TYW1: variants seen among roughly 807,000 people sequenced by gnomAD.
TYW1 encodes tRNA-yW synthesizing protein 1 homolog, also known as S-adenosyl-L-methionine-dependent tRNA 4-demethylwyosine synthase TYW1.
Under a neutral mutation model 96.2 loss-of-function variants are expected in TYW1, and 46 were observed. That is an observed-to-expected ratio of 0.48 (90% CI 0.38 to 0.61). The LOEUF is 0.61. TYW1 is among the 20% of genes least tolerant of loss of function. TYW1 has a pLI of 0.00. For synonymous variants in TYW1, 274 were observed against 323.0 expected, an observed-to-expected ratio of 0.85 and a Z score of 1.63; for missense variants, 684 against 909.6, an observed-to-expected ratio of 0.75 and a Z score of 3.19.
At chr7:67,050,174 C>A (rs1216342847) in intron 8 of TYW1, 108 bp downstream of exon 8, 2 of 1,249,126 alleles carry the variant, frequency 1.6e-6, no homozygotes, top group African/African-American at 3.0e-5. Flanking sequence ...TTCATAGTGG[C>A]AGATATAACA....
chr7:67,075,478 C>T (rs1325407627), intron 10 of TYW1, among the ~76,000 whole-genome samples: 1 of 152,160 alleles, frequency 6.6e-6, no homozygotes, highest in South Asian at 2.1e-4. Context: ...AGTAGATATA[C>T]TCTAGGTGTC....
intron 15 of TYW1, among the ~76,000 whole-genome samples, chr7:67,200,592 C>T (rs3107879): frequency 7.2e-5 from 11 of 152,092 alleles, no homozygotes; most frequent in African/African-American, 2.2e-4. Flanking sequence ...GTGGGAATTA[C>T]GGGAACTGCC....
intron 15 of TYW1, among the ~76,000 whole-genome samples, chr7:67,208,426 T>C (rs1455312546): frequency 6.6e-6 from 1 of 152,118 alleles, no homozygotes; most frequent in African/African-American, 2.4e-5. Context: ...GCGCGGTGGC[T>C]TACGCCTGTA....
intron 13 of TYW1, among the ~76,000 whole-genome samples, chr7:67,157,976 GA>G (rs547544191): frequency 1.4e-3 from 213 of 152,090 alleles, no homozygotes; most frequent in Non-Finnish European, 2.4e-3. Flanking sequence ...GTTTTAGGGG[GA>G]AAGTATGCAC....
chr7:67,038,394 C>G (rs1193993494), intron 7 of TYW1, among the ~76,000 whole-genome samples: 2 of 151,520 alleles, frequency 1.3e-5, no homozygotes, highest in Non-Finnish European at 2.9e-5. Flanking sequence ...TCTCTTGACC[C>G]CTGGAGTTTG....
intron 7 of TYW1, among the ~76,000 whole-genome samples, chr7:67,035,016 T>C (rs1794787588): frequency 6.6e-6 from 1 of 152,190 alleles, no homozygotes; most frequent in Admixed American, 6.5e-5. Context: ...ATAGTAGCTT[T>C]GTGTTAATTT....
intron 11 of TYW1, among the ~76,000 whole-genome samples, chr7:67,085,277 T>A (rs531210201): frequency 5.4e-4 from 83 of 152,302 alleles, no homozygotes; most frequent in African/African-American, 1.9e-3. Flanking sequence ...ATAATCCCCA[T>A]AATCCCTATG....
chr7:67,239,211 G>C lies in TYW1; in HGVS notation c.*682G>C. The C allele has an allele frequency of 1.0e-6, 1 of 985,484 alleles. No individual in the cohort carries two copies. The highest frequency in any genetic ancestry group is 1.2e-6 in the Non-Finnish European group (1 of 829,954). 61.0% of individuals were successfully genotyped at this position (985,484 alleles called of 1,614,324 possible). On this transcript the variant is annotated 3_prime_UTR_variant, in exon 16 of 16. Transcript: ENST00000359626. The stretch of plus-strand genomic sequence containing the variant: ...CTGGAGCGGAGTGAAGCTGTCTGCT[G>C]TAAGAGGAGTGGCCATGTGAGGGCA...
At chr7:67,036,002 C>A (rs1368272102) in intron 7 of TYW1, among the ~76,000 whole-genome samples, 1 of 149,714 alleles carries the variant, frequency 6.7e-6, no homozygotes, top group Non-Finnish European at 1.5e-5. Flanking sequence ...AAGTCCAAGG[C>A]TCCCATTGTC....
intron 13 of TYW1, among the ~76,000 whole-genome samples, chr7:67,166,215 A>G: frequency 6.7e-6 from 1 of 149,906 alleles, no homozygotes; most frequent in East Asian, 1.9e-4. Context: ...TGATTGTGCC[A>G]CTGCTCTCCA....
chr7:67,152,436 A>G (rs1798831375), intron 13 of TYW1, among the ~76,000 whole-genome samples: 2 of 149,868 alleles, frequency 1.3e-5, no homozygotes, highest in Admixed American at 1.3e-4. Flanking sequence ...TTTTGCTCTC[A>G]TTGTTTTTTT....
chr7:67,117,549 A>G lies in TYW1; in HGVS notation c.1629A>G (p.Lys543=), dbSNP rs1178005120. 3 of 1,614,044 alleles carry G rather than the reference A, an allele frequency of 1.9e-6. No individual in the cohort carries two copies. In the South Asian group the frequency reaches 3.3e-5, roughly 18 times the overall value. Reference sequence around the variant, plus strand: ...CCAGTACCAAAGACAGCCTGAAGAAAATCGACCGCCCACTCTTCAAGGATT... The same window carrying G: ...CCAGTACCAAAGACAGCCTGAAGAAGATCGACCGCCCACTCTTCAAGGATT... ...VDASTKDSLK[K]IDRPLFKDFW... Residue 543 remains lysine, a synonymous_variant, in exon 13 of 16, where the codon AAA becomes AAG. Coordinates refer to ENST00000359626, the MANE Select transcript of TYW1 (RefSeq NM_018264.4).
At position 67,081,220 on chromosome 7, in the gene TYW1, C is replaced by CTT. The variant is rs59852863; in HGVS notation, c.1275-2192_1275-2191dup. 3.3e-3 allele frequency among the ~76,000 whole-genome samples: 399 copies of CTT among 120,142 alleles called. 3 individuals carry two copies. The highest frequency in any genetic ancestry group is 0.011 in the African/African-American group (369 of 32,642). 78.8% of individuals were successfully genotyped at this position (120,142 alleles called of 152,430 possible). A position where few individuals can be genotyped will look rare whatever the true frequency, so the allele number is the denominator to read the frequency against. ...CCAGAGGACAGTTTTGCTTGGTGGT[C>CTT]TTTTTTTTTTTTTTTTTTTCCAGCC... On this transcript the variant is annotated intron_variant, in intron 10 of 15. Transcript: ENST00000359626.
At chr7:67,053,380 C>CCT (rs1795421210) in intron 8 of TYW1, among the ~76,000 whole-genome samples, 1 of 134,396 alleles carries the variant, frequency 7.4e-6, no homozygotes, top group Non-Finnish European at 1.6e-5. Context: ...TAGTTTGTTT[C>CCT]TTTTTTTTTT....
At chr7:67,090,626 T>A (rs1004041868) in intron 11 of TYW1, among the ~76,000 whole-genome samples, 6 of 151,618 alleles carry the variant, frequency 4.0e-5, no homozygotes, top group Admixed American at 6.6e-5. Flanking sequence ...CAAAGCAGAG[T>A]TTAGTTGTGA....
At chr7:67,194,260 A>G (rs1207203583) in intron 14 of TYW1, among the ~76,000 whole-genome samples, 2 of 152,024 alleles carry the variant, frequency 1.3e-5, no homozygotes, top group Non-Finnish European at 2.9e-5. Context: ...TACATGCACA[A>G]ATATATTTCC....
intron 4 of TYW1, among the ~76,000 whole-genome samples, chr7:67,011,513 G>A (rs1171079382): frequency 1.3e-5 from 2 of 152,214 alleles, no homozygotes; most frequent in African/African-American, 4.8e-5. Flanking sequence ...CAGAATCTCA[G>A]GTCTTAGCCT....
At chr7:67,107,321 A>G (rs1797273360) in intron 12 of TYW1, among the ~76,000 whole-genome samples, 1 of 152,214 alleles carries the variant, frequency 6.6e-6, no homozygotes, top group Admixed American at 6.5e-5. Context: ...TTTCAATAGA[A>G]GTTCCCCGAC....
chr7:67,229,442 G>A (rs1293633260), intron 15 of TYW1, among the ~76,000 whole-genome samples: 1 of 151,980 alleles, frequency 6.6e-6, no homozygotes, highest in African/African-American at 2.4e-5. Flanking sequence ...AGGAGGCTGA[G>A]ACAGGAGAAT....
Sources: gnomAD v4.1 joint callset for allele counts (sites outside exome capture counted in the v4.1 genomes callset) on GRCh38, gnomAD v4.1.1 for gene constraint, MANE v1.5 for transcripts, NCBI Gene and HGNC (gene_info 2026-07-23, HGNC 2026-07-21) for gene names.